NBAS: variants seen among roughly 807,000 people sequenced by gnomAD.
NBAS encodes NBAS subunit of NRZ tethering complex.
A neutral mutation model predicts 302.5 loss-of-function variants in NBAS; 219 were observed. That is an observed-to-expected ratio of 0.72 (90% CI 0.65 to 0.81). The LOEUF is 0.81. NBAS is among the 30% of genes least tolerant of loss of function. NBAS has a pLI of 0.00. For missense variants in NBAS, 2,932 were observed against 2,841.6 expected (o/e 1.03, Z -0.72); for synonymous variants, 1,118 against 1,021.6 (o/e 1.09, Z -1.80).
At chr2:15,020,005 C>A in the NBAS span, among the ~76,000 whole-genome samples, 1 of 152,294 alleles carries the variant, frequency 6.6e-6, no homozygotes, top group Non-Finnish European at 1.5e-5. Flanking sequence ...CAGTTATCTC[C>A]CCATTTTACA....
chr2:15,003,062 G>A, the NBAS span, among the ~76,000 whole-genome samples: 56,621 of 152,194 alleles, frequency 0.37, 11,285 homozygotes, highest in Non-Finnish European at 0.41. Context: ...GAGAGCGAGC[G>A]AGGGCTGTGA....
chr2:15,145,675 C>A, the NBAS span, among the ~76,000 whole-genome samples: 1 of 152,080 alleles, frequency 6.6e-6, no homozygotes, highest in Non-Finnish European at 1.5e-5. Flanking sequence ...GCAGCTCCCA[C>A]TCCTGCTGCA....
chr2:14,924,139 A>T, the NBAS span, among the ~76,000 whole-genome samples: 3 of 152,208 alleles, frequency 2.0e-5, no homozygotes, highest in African/African-American at 7.2e-5. Flanking sequence ...CAATTTGGAA[A>T]CCGAAGAGTA....
At chr2:14,826,211 G>T in the NBAS span, among the ~76,000 whole-genome samples, 3 of 152,286 alleles carry the variant, frequency 2.0e-5, no homozygotes, top group African/African-American at 7.2e-5. Context: ...GGAGGAGCTA[G>T]CAATGTGTTC....
chr2:15,491,369 A>G (rs1218289732), intron 11 of NBAS, among the ~76,000 whole-genome samples: 1 of 152,204 alleles, frequency 6.6e-6, no homozygotes, highest in Non-Finnish European at 1.5e-5. Context: ...CTCCCAATTT[A>G]CTGCTATTAA....
the NBAS span, among the ~76,000 whole-genome samples, chr2:15,002,873 C>T: frequency 6.6e-6 from 1 of 152,252 alleles, no homozygotes; most frequent in Non-Finnish European, 1.5e-5. Flanking sequence ...CTCCAGCTGG[C>T]CCACAAGCGC....
At chr2:14,815,553 T>A in the NBAS span, among the ~76,000 whole-genome samples, 1 of 152,214 alleles carries the variant, frequency 6.6e-6, no homozygotes, top group Non-Finnish European at 1.5e-5. Context: ...CTCAATACAA[T>A]GCTCAGCCTC....
the NBAS span, among the ~76,000 whole-genome samples, chr2:14,796,299 T>G: frequency 6.6e-6 from 1 of 151,832 alleles, no homozygotes; most frequent in African/African-American, 2.4e-5. Flanking sequence ...CATTCTTCCT[T>G]TCCAAAGTTA....
At chr2:15,257,582 G>A (rs1001237661) in intron 44 of NBAS, among the ~76,000 whole-genome samples, 4 of 151,792 alleles carry the variant, frequency 2.6e-5, no homozygotes, top group Admixed American at 2.0e-4. Flanking sequence ...TAGTTGAGAC[G>A]GAGTTTCACC....
the NBAS span, among the ~76,000 whole-genome samples, chr2:14,796,981 T>A: frequency 6.8e-6 from 1 of 146,652 alleles, no homozygotes; most frequent in Admixed American, 6.8e-5. Context: ...TTCCAGCTAC[T>A]CTGGAGGCTG....
the NBAS span, among the ~76,000 whole-genome samples, chr2:14,949,538 T>C: frequency 6.6e-6 from 1 of 152,140 alleles, no homozygotes; most frequent in Non-Finnish European, 1.5e-5. Context: ...TACAGTATAT[T>C]GAATAGATAT....
chr2:14,835,887 C>G, the NBAS span, among the ~76,000 whole-genome samples: 126 of 152,038 alleles, frequency 8.3e-4, no homozygotes, highest in African/African-American at 2.8e-3. Context: ...TAGAAAATGT[C>G]TAAGTATATT....
rs10605991 is a variant in NBAS at position 15,351,870 on chromosome 2, GCACACA to G, written c.4179+116_4179+121del. 1.2e-3 allele frequency: 808 copies of G among 701,334 alleles called. 1 individual carries two copies. Among genetic ancestry groups the G allele is most frequent in the African/African-American group, 5.5e-3 (304 of 55,274 alleles). The allele number at this position is 701,334 out of a possible 1,614,324, so 43.4% of individuals were successfully genotyped here. The stretch of plus-strand genomic sequence containing the variant: ...AGCTGAAAAGAAAAGTGGTCTGCAT[GCACACA>G]CACACACACACACACACACACACAC... On this transcript the variant is annotated intron_variant, in intron 35 of 51. Transcript: ENST00000281513.
chr2:15,231,106 G>A (rs1465303372), intron 47 of NBAS, among the ~76,000 whole-genome samples: 12 of 152,220 alleles, frequency 7.9e-5, no homozygotes, highest in Non-Finnish European at 1.3e-4. Context: ...CTTGGGGTTA[G>A]AGGTTGTTTC....
At chr2:14,834,970 A>G in the NBAS span, among the ~76,000 whole-genome samples, 1 of 152,102 alleles carries the variant, frequency 6.6e-6, no homozygotes, top group African/African-American at 2.4e-5. Context: ...GATTACATAC[A>G]AAGGAAGTGC....
At chr2:15,211,977 TTGCCACAAAAC>T (rs1282444189) in intron 48 of NBAS, among the ~76,000 whole-genome samples, 1 of 152,234 alleles carries the variant, frequency 6.6e-6, no homozygotes, top group Non-Finnish European at 1.5e-5. Flanking sequence ...TTAGTGTCAT[TTGCCACAAAAC>T]TGGATTCTCC....
rs186284745 is a variant in NBAS, at chr2:15,410,468, A to C, written c.2937+5078T>G. 6.1e-3 allele frequency among the ~76,000 whole-genome samples: 931 copies of C among 152,330 alleles called. 4 individuals are homozygous for C. Among genetic ancestry groups the C allele is most frequent in the Non-Finnish European group, 0.01 (701 of 68,030 alleles). ...CTTCAAGAAAGTGTTAGGGCAAAAA[A>C]AAAATTATTTCATCCCTTTTTTTCT... On this transcript the variant is annotated intron_variant, in intron 25 of 51. Transcript: ENST00000281513.
At chr2:15,491,924 T>C (rs910901824) in intron 11 of NBAS, among the ~76,000 whole-genome samples, 1 of 152,132 alleles carries the variant, frequency 6.6e-6, no homozygotes, top group Non-Finnish European at 1.5e-5. Flanking sequence ...AAAGGTACTG[T>C]TTCTCCTCTA....
chr2:15,538,453 A>G (rs1663629274), intron 7 of NBAS: 1 of 315,520 alleles, frequency 3.2e-6, no homozygotes, highest in African/African-American at 2.2e-5. Context: ...CTTATAAACA[A>G]TATTAATACC....
Sources: allele counts gnomAD v4.1 joint callset (sites outside exome capture counted in the v4.1 genomes callset), GRCh38; gene constraint gnomAD v4.1.1; transcripts MANE v1.5; gene names NCBI Gene and HGNC (gene_info 2026-07-23, HGNC 2026-07-21).